The following NR3C1 variants were observed in gnomAD, a reference collection of about 807,000 sequenced individuals.
NR3C1 encodes nuclear receptor subfamily 3 group C member 1.
NR3C1 carries 14 observed loss-of-function variants against 74.0 expected under a neutral mutation model. The ratio of observed to expected loss-of-function variants is 0.19; its 90% CI spans 0.12 to 0.30. NR3C1 has a LOEUF of 0.30. Ranked by LOEUF, NR3C1 falls within the 10% of genes least tolerant of loss-of-function variation. The pLI is 1.00. For synonymous variants in NR3C1, 308 were observed against 332.5 expected (o/e 0.93, Z 0.80); for missense variants, 695 against 909.8 (o/e 0.76, Z 3.04).
At chr5:143,351,014 C>T (rs1830134830) in intron 2 of NR3C1, among the ~76,000 whole-genome samples, 1 of 152,128 alleles carries the variant, frequency 6.6e-6, no homozygotes, top group Non-Finnish European at 1.5e-5. Context: ...CAATGAATTG[C>T]CTCATACTTT....
intron 1 of NR3C1, chr5:143,434,464 C>A (rs1219889698): frequency 1.1e-5 from 10 of 873,546 alleles, no homozygotes; most frequent in African/African-American, 3.6e-5. Context: ...TCTGAGTGAC[C>A]TTTAACAAGT....
rs1185687165 is a variant in NR3C1, at chr5:143,400,069, A to C, written c.771T>G (p.Ile257Met). ...ACAAAACCAGATCTCCATTATCCTTAATTTTGGGTTTAGTGTCCGGTAAAA... is the reference window on the plus strand; with the variant it reads ...ACAAAACCAGATCTCCATTATCCTTCATTTTGGGTTTAGTGTCCGGTAAAA... ...PLILPDTKPK[I>M]KDNGDLVLSS... The change falls in exon 2 of 9, where the codon ATT becomes ATG. Residue 257 changes from isoleucine to methionine, a missense_variant. Physicochemically the swap from Ile to Met is conservative, Grantham distance 10 (BLOSUM62 1). Coordinates refer to ENST00000394464, the MANE Select transcript of NR3C1 (RefSeq NM_000176.3). The C allele has an allele frequency of 9.9e-6, 16 of 1,614,118 alleles. No individual in the cohort carries two copies. The highest frequency in any genetic ancestry group is 1.4e-5 in the Non-Finnish European group (16 of 1,180,024).
intron 7 of NR3C1, among the ~76,000 whole-genome samples, chr5:143,291,625 A>G (rs1815977763): frequency 1.3e-5 from 2 of 152,148 alleles, no homozygotes; most frequent in Non-Finnish European, 2.9e-5. Flanking sequence ...AGAGCATTCA[A>G]ATTTAAAGTA....
rs140026036 is a variant in NR3C1, at chr5:143,307,916, T to G, written c.1468+2181A>C. Among the ~76,000 whole-genome samples, 82 of 152,318 alleles carry G rather than the reference T, an allele frequency of 5.4e-4. 2 individuals are homozygous for G. The East Asian group carries it at 0.014, about 26-fold the overall frequency. ...GAAAGCAAACTTCTGTGTGCATTTT[T>G]TAGTTAATCTCTACAGTTTTTATAA... On this transcript the variant is annotated intron_variant, in intron 4 of 8. Transcript: ENST00000394464.
chr5:143,408,439 T>C (rs1011933698), upstream of NR3C1, among the ~76,000 whole-genome samples: 9 of 150,510 alleles, frequency 6.0e-5, no homozygotes, highest in Admixed American at 1.3e-4. Context: ...ATTTTCCCCC[T>C]TTTTTTTAAA....
At chr5:143,317,898 T>A (rs1822498633) in intron 2 of NR3C1, among the ~76,000 whole-genome samples, 1 of 152,136 alleles carries the variant, frequency 6.6e-6, no homozygotes, top group Non-Finnish European at 1.5e-5. Context: ...ACCAGAATAT[T>A]TTGTAGCCGC....
chr5:143,295,052 T>C lies in NR3C1; in HGVS notation c.2023+408A>G, dbSNP rs1048798694. ...GCACACCTTTTCTAGGATGCGCCTT[T>C]TTCTCCCATAATTTCTCATACATGC... On this transcript the variant is annotated intron_variant, in intron 7 of 8. Coordinates refer to ENST00000394464, the MANE Select transcript of NR3C1 (RefSeq NM_000176.3). 12 of 985,324 alleles carry C rather than the reference T, an allele frequency of 1.2e-5. No individual in the cohort carries two copies. The South Asian group carries it at 5.6e-4, about 46-fold the overall frequency. The allele number at this position is 985,324 out of a possible 1,614,324, so 61.0% of individuals were successfully genotyped here.
intron 1 of NR3C1, among the ~76,000 whole-genome samples, chr5:143,427,017 G>A (rs111951439): frequency 0.011 from 1,665 of 152,244 alleles, 38 homozygotes; most frequent in African/African-American, 0.038. Context: ...ATTAAAGCAG[G>A]TCTTTTTCTT....
chr5:143,373,612 A>C (rs1302454261), intron 2 of NR3C1, among the ~76,000 whole-genome samples: 1 of 152,168 alleles, frequency 6.6e-6, no homozygotes, highest in African/African-American at 2.4e-5. Context: ...AAAGTATAAT[A>C]TAAAAAAAAA....
chr5:143,386,154 A>G (rs867335299), intron 2 of NR3C1, among the ~76,000 whole-genome samples: 4 of 152,200 alleles, frequency 2.6e-5, no homozygotes, highest in Middle Eastern at 6.3e-3. Flanking sequence ...TCAAGCAACC[A>G]GATCTCATGA....
intron 7 of NR3C1, among the ~76,000 whole-genome samples, chr5:143,292,647 T>C (rs1030139882): frequency 6.6e-6 from 1 of 152,160 alleles, no homozygotes; most frequent in Admixed American, 6.5e-5. Context: ...ACCCAAGAAA[T>C]TGCAGGAAAC....
At chr5:143,307,131 C>T (rs938617571) in intron 4 of NR3C1, among the ~76,000 whole-genome samples, 8 of 152,042 alleles carry the variant, frequency 5.3e-5, no homozygotes, top group African/African-American at 7.2e-5. Context: ...CTCCTGACCT[C>T]GTGATCCACC....
chr5:143,279,276 T>C lies in NR3C1; in HGVS notation c.*2613A>G, dbSNP rs1812756651. The C allele has an allele frequency of 6.9e-6, 10 of 1,451,326 alleles. No individual in the cohort carries two copies. The highest frequency in any genetic ancestry group is 9.3e-6 in the Non-Finnish European group (10 of 1,076,200). The allele number at this position is 1,451,326 out of a possible 1,614,324, so 89.9% of individuals were successfully genotyped here. A position where few individuals can be genotyped will look rare whatever the true frequency, so the allele number is the denominator to read the frequency against. ...TCCTATAGTTGTCGATGAGCATCAG[T>C]TGACTTATTATTGACAACGAAGTGC... On this transcript the variant is annotated 3_prime_UTR_variant, in exon 9 of 9. Transcript: ENST00000394464.
intron 6 of NR3C1, among the ~76,000 whole-genome samples, chr5:143,296,790 T>A (rs1156671618): frequency 2.0e-5 from 3 of 151,370 alleles, no homozygotes; most frequent in Non-Finnish European, 2.9e-5. Context: ...GAAAAAAGGG[T>A]GGAGGGCTGG....
At chr5:143,433,714 C>G (rs1225597754) in intron 1 of NR3C1, 1 of 152,186 alleles carries the variant, frequency 6.6e-6, no homozygotes, top group East Asian at 1.9e-4. Context: ...CATCTGAGGC[C>G]TTACCTCTCT....
chr5:143,409,385 A>T (rs1841221424), intron 1 of NR3C1: 1 of 152,082 alleles, frequency 6.6e-6, no homozygotes, highest in African/African-American at 2.4e-5. Context: ...GTTTCCATTT[A>T]TTCTTTTTTT....
rs553493478 is a variant in NR3C1 at position 143,322,115 on chromosome 5, A to G, written c.1185-7947T>C. On this transcript the variant is annotated intron_variant, in intron 2 of 8. Coordinates refer to ENST00000394464, the MANE Select transcript of NR3C1 (RefSeq NM_000176.3). ...TCACCATTACTTGGCACTATTATGC[A>G]AGCTCTTTCTTTGTATAGATTATCT... 1.4e-3 allele frequency among the ~76,000 whole-genome samples: 216 copies of G among 152,342 alleles called. 2 individuals are homozygous for G. Among genetic ancestry groups the G allele is most frequent in the Non-Finnish European group, 2.2e-3 (151 of 68,038 alleles).
chr5:143,352,636 G>C (rs1344261542), intron 2 of NR3C1, among the ~76,000 whole-genome samples: 2 of 151,976 alleles, frequency 1.3e-5, no homozygotes, highest in Non-Finnish European at 2.9e-5. Context: ...CGAATTTTTT[G>C]GTTTCCCACT....
At chr5:143,342,031 T>C (rs1485382033) in intron 2 of NR3C1, among the ~76,000 whole-genome samples, 3 of 151,948 alleles carry the variant, frequency 2.0e-5, no homozygotes, top group Non-Finnish European at 4.4e-5. Context: ...ATGTTCAAAA[T>C]GACAAGTCTC....
Sources: allele counts gnomAD v4.1 joint callset (sites outside exome capture counted in the v4.1 genomes callset), GRCh38; gene constraint gnomAD v4.1.1; transcripts MANE v1.5; gene names NCBI Gene and HGNC (gene_info 2026-07-23, HGNC 2026-07-21).